TPST1: variants seen among roughly 807,000 people sequenced by gnomAD.
TPST1 encodes tyrosylprotein sulfotransferase 1, also known as protein-tyrosine sulfotransferase 1.
Under a neutral mutation model 34.8 loss-of-function variants are expected in TPST1, and 20 were observed. That is an observed-to-expected ratio of 0.57 (90% CI 0.40 to 0.84). The LOEUF (loss-of-function observed/expected upper bound fraction) is 0.84. Ranked by LOEUF, TPST1 falls within the 40% of genes least tolerant of loss-of-function variation. TPST1 has a pLI of 0.00. For synonymous variants in TPST1, 152 were observed against 159.4 expected, an observed-to-expected ratio of 0.95 and a Z score of 0.35; for missense variants, 353 against 455.5, an observed-to-expected ratio of 0.78 and a Z score of 2.05.
Position 66,240,738 on chromosome 7 carries a change from C to G in TPST1, c.313C>G (p.Pro105Ala). 2 of 1,614,166 alleles carry G rather than the reference C, an allele frequency of 1.2e-6. No homozygotes were observed. The highest frequency in any genetic ancestry group is 2.2e-5 in the South Asian group (2 of 91,086). ...CTGTGGAGAGGAAACCAGGGTCATT[C>G]CCCGAATCCTGGCCCTGAAGCAGAT... ...IRCGEETRVI[P>A]RILALKQMWS... The change falls in exon 2 of 6, where the codon CCC becomes GCC. Residue 105 changes from proline (P) to alanine (A), a missense_variant. Transcript: ENST00000304842.
intron 1 of TPST1, among the ~76,000 whole-genome samples, chr7:66,218,573 C>A (rs1211906975): frequency 6.6e-6 from 1 of 152,118 alleles, no homozygotes; most frequent in African/African-American, 2.4e-5. Context: ...GGGCTGGGCG[C>A]GGTGGCTCAC....
Position 66,205,643 on chromosome 7 carries a change from G to C in TPST1, c.-102+121G>C, listed in dbSNP as rs2116179147. On this transcript the variant is annotated intron_variant, in intron 1 of 5. Transcript: ENST00000304842. The surrounding 1 kb of genome is among the most constrained non-coding windows in gnomAD (Gnocchi z 5.0). ...GCCTTCTGCTCGGTGCCTCCCGGTTGTCCAACCCCGCCCCCGAGCGCGGAG... is the reference window on the plus strand; with the variant it reads ...GCCTTCTGCTCGGTGCCTCCCGGTTCTCCAACCCCGCCCCCGAGCGCGGAG... The C allele has an allele frequency of 6.5e-6, 1 of 152,798 alleles. No homozygotes were observed. The highest frequency in any genetic ancestry group is 1.9e-4 in the East Asian group (1 of 5,152). The allele number at this position is 152,798 out of a possible 1,614,324, so 9.5% of individuals were successfully genotyped here. A position where few individuals can be genotyped will look rare whatever the true frequency, so the allele number is the denominator to read the frequency against.
At chr7:66,253,622 T>C (rs150622550) in intron 2 of TPST1, among the ~76,000 whole-genome samples, 14,143 of 151,606 alleles carry the variant, frequency 0.093, 828 homozygotes, top group Non-Finnish European at 0.12. Flanking sequence ...CCGCCCACCC[T>C]GGCCTCCCAA....
intron 1 of TPST1, among the ~76,000 whole-genome samples, chr7:66,213,624 G>A (rs999100092): frequency 5.9e-5 from 9 of 152,090 alleles, no homozygotes; most frequent in African/African-American, 1.7e-4. Context: ...GCTTGGTGGC[G>A]GGTGCCTGTA....
rs777495864 is a variant in TPST1, at chr7:66,356,888, A to G, written c.*29+17A>G. On this transcript the variant is annotated intron_variant, in intron 5 of 5. Transcript: ENST00000304842. ...ATACATGAGGTGAGGGTTGGGGGACATTGCCAGGTCTTTCTGTTTCCCACT... is the reference window on the plus strand; with the variant it reads ...ATACATGAGGTGAGGGTTGGGGGACGTTGCCAGGTCTTTCTGTTTCCCACT... The G allele has an allele frequency of 8.7e-6, 14 of 1,613,668 alleles. No homozygotes were observed. The highest frequency in any genetic ancestry group is 1.1e-5 in the South Asian group (1 of 91,014).
chr7:66,274,428 G>A (rs1482017785), intron 2 of TPST1, among the ~76,000 whole-genome samples: 1 of 151,564 alleles, frequency 6.6e-6, no homozygotes, highest in African/African-American at 2.4e-5. Context: ...TGAGCCACCT[G>A]TACCTGGCCT....
chr7:66,358,570 G>A (rs1423217426), intron 5 of TPST1, among the ~76,000 whole-genome samples: 6 of 152,134 alleles, frequency 3.9e-5, no homozygotes, highest in Non-Finnish European at 8.8e-5. Flanking sequence ...GTGACTTGCG[G>A]TGCGTTGATG....
intron 4 of TPST1, chr7:66,352,870 C>T: frequency 1.0e-6 from 1 of 985,422 alleles, no homozygotes; most frequent in Non-Finnish European, 1.2e-6. Context: ...CTCCAGCGTT[C>T]CAGTGCCTAA....
At chr7:66,319,150 A>G (rs1333149111) in intron 3 of TPST1, among the ~76,000 whole-genome samples, 10 of 151,912 alleles carry the variant, frequency 6.6e-5, no homozygotes, top group African/African-American at 2.4e-4. Flanking sequence ...TTCTTTGAAT[A>G]TTTCTTCTTC....
At chr7:66,307,138 C>CT (rs890655522) in intron 3 of TPST1, among the ~76,000 whole-genome samples, 49 of 146,600 alleles carry the variant, frequency 3.3e-4, no homozygotes, top group South Asian at 6.5e-4. Flanking sequence ...ACTTCATTCA[C>CT]TTTTTTTTTT....
intron 3 of TPST1, among the ~76,000 whole-genome samples, chr7:66,297,479 A>G (rs1708199920): frequency 6.6e-6 from 1 of 152,236 alleles, no homozygotes; most frequent in Non-Finnish European, 1.5e-5. Flanking sequence ...TTTGAGGAAC[A>G]GAGTCCTCAG....
intron 3 of TPST1, among the ~76,000 whole-genome samples, chr7:66,304,113 G>A (rs1334895527): frequency 6.6e-6 from 1 of 152,172 alleles, no homozygotes; most frequent in Non-Finnish European, 1.5e-5. Flanking sequence ...AAATATGGGA[G>A]GACTAGAGAA....
chr7:66,328,904 ATATTTTTT>A (rs1791936886), intron 3 of TPST1, among the ~76,000 whole-genome samples: 4 of 25,998 alleles, frequency 1.5e-4, no homozygotes, highest in South Asian at 1.2e-3. Context: ...ATATATATAT[ATATTTTTT>A]TTTTTTTTTT....
intron 2 of TPST1, among the ~76,000 whole-genome samples, chr7:66,270,488 T>C (rs574412625): frequency 6.6e-6 from 1 of 152,314 alleles, no homozygotes. Flanking sequence ...ACTCTGCTTC[T>C]TTATACTTTT....
intron 1 of TPST1, among the ~76,000 whole-genome samples, chr7:66,235,248 C>T (rs1420212409): frequency 1.8e-4 from 26 of 145,852 alleles, no homozygotes; most frequent in African/African-American, 6.4e-4. Context: ...TACAATGGCG[C>T]GAACTCGGCT....
At position 66,338,914 on chromosome 7, in the gene TPST1, C is replaced by T. The variant is rs73146660; in HGVS notation, c.1045-13591C>T. 9.3e-3 allele frequency among the ~76,000 whole-genome samples: 1,408 copies of T among 152,010 alleles called. 15 individuals carry two copies. Among genetic ancestry groups the T allele is most frequent in the Non-Finnish European group, 0.013 (879 of 67,974 alleles). On this transcript the variant is annotated intron_variant, in intron 3 of 5. Transcript: ENST00000304842. ...AACTAGAAAAGCAAAACCAAACAAA[C>T]CCCCAATTTTTTGTTCTTTTTTTCT...
rs537239114 is a variant in TPST1, at chr7:66,313,610, T to C, written c.1044+26901T>C. Among the ~76,000 whole-genome samples the C allele has an allele frequency of 1.5e-3, 233 of 152,260 alleles. 1 individual carries two copies. In the Middle Eastern group the frequency reaches 0.02, roughly 13 times the overall value. On this transcript the variant is annotated intron_variant, in intron 3 of 5. Transcript: ENST00000304842. Reference sequence around the variant, plus strand: ...GATTTTCCTGGGAATAGAATCTATATCGTTCCTCATATTTTCCAGGATTTC... The same window carrying C: ...GATTTTCCTGGGAATAGAATCTATACCGTTCCTCATATTTTCCAGGATTTC...
chr7:66,281,086 C>A (rs916990195), intron 2 of TPST1, among the ~76,000 whole-genome samples: 1 of 152,112 alleles, frequency 6.6e-6, no homozygotes, highest in Non-Finnish European at 1.5e-5. Context: ...TCGAGATGAT[C>A]ATGTAGTTTT....
chr7:66,231,405 CA>C (rs1432589256), intron 1 of TPST1, among the ~76,000 whole-genome samples: 1 of 152,180 alleles, frequency 6.6e-6, no homozygotes, highest in Non-Finnish European at 1.5e-5. Flanking sequence ...TGCCGTGGAG[CA>C]GGGGGTGGCA....
Sources: allele counts gnomAD v4.1 joint callset (sites outside exome capture counted in the v4.1 genomes callset), GRCh38; gene constraint gnomAD v4.1.1; non-coding constraint Gnocchi (gnomAD v3.1); transcripts MANE v1.5; gene names NCBI Gene and HGNC (gene_info 2026-07-23, HGNC 2026-07-21).